SLC6A15: variants seen among roughly 807,000 people sequenced by gnomAD.
SLC6A15 encodes the protein solute carrier family 6 member 15, also known as sodium-dependent neutral amino acid transporter B(0)AT2.
Under a neutral mutation model 68.5 loss-of-function variants are expected in SLC6A15, and 33 were observed. The ratio of observed to expected loss-of-function variants is 0.48; its 90% CI spans 0.37 to 0.64. The LOEUF (loss-of-function observed/expected upper bound fraction) is 0.64, where lower values mean the gene tolerates loss of function less well. Among genes scored for constraint, SLC6A15 ranks in the 30% least tolerant of loss-of-function variants. The pLI is 0.00. For missense variants in SLC6A15, 747 were observed against 874.3 expected, an observed-to-expected ratio of 0.85 and a Z score of 1.84; for synonymous variants, 347 against 301.0, an observed-to-expected ratio of 1.15 and a Z score of -1.58.
chr12:84,895,020 T>A (rs1220808401), intron 1 of SLC6A15, among the ~76,000 whole-genome samples: 1 of 151,998 alleles, frequency 6.6e-6, no homozygotes, highest in Non-Finnish European at 1.5e-5. Context: ...CTATAATGAA[T>A]CCTTAATGAT....
chr12:84,894,700 A>G (rs1872563890), intron 1 of SLC6A15, among the ~76,000 whole-genome samples: 1 of 152,146 alleles, frequency 6.6e-6, no homozygotes, highest in Non-Finnish European at 1.5e-5. Flanking sequence ...CTACTACTGC[A>G]TGTTTTTTAC....
intron 5 of SLC6A15, chr12:84,881,912 A>G (rs1436300865): frequency 1.1e-4 from 105 of 985,232 alleles, no homozygotes; most frequent in Non-Finnish European, 1.3e-4. Flanking sequence ...CTTTCTCCCC[A>G]TCAGTGCCTG....
At chr12:84,885,360 A>G in intron 4 of SLC6A15, 75 bp downstream of exon 4, 1 of 1,337,282 alleles carries the variant, frequency 7.5e-7, no homozygotes, top group South Asian at 2.0e-5. Flanking sequence ...TAAAAAGAAA[A>G]AAATCTTGAA....
intron 1 of SLC6A15, among the ~76,000 whole-genome samples, chr12:84,910,953 G>GTGTGTGTGTGTGTCTT (rs1565736544): frequency 3.4e-4 from 49 of 145,056 alleles, no homozygotes; most frequent in African/African-American, 1.1e-3. Context: ...GTGTGTGTGT[G>GTGTGTGTGTGTGTCTT]TCTTTAACCC....
At position 84,859,534 on chromosome 12, in the gene SLC6A15, T is replaced by C. The variant is rs1233632383; in HGVS notation, c.*2098A>G. 1 of 151,984 alleles carries C rather than the reference T, an allele frequency of 6.6e-6. No homozygotes were observed. The highest frequency in any genetic ancestry group is 1.5e-5 in the Non-Finnish European group (1 of 67,934). The allele number at this position is 151,984 out of a possible 1,614,324, so 9.4% of individuals were successfully genotyped here. A position where few individuals can be genotyped will look rare whatever the true frequency, so the allele number is the denominator to read the frequency against. On this transcript the variant is annotated 3_prime_UTR_variant, in exon 12 of 12. Transcript: ENST00000266682. ...TTTATTTGCTTTCACTATATTTATA[T>C]ACATCAAAACAGCATGTTGTACACC...
At chr12:84,862,279 C>G (rs1252040404) in intron 11 of SLC6A15, among the ~76,000 whole-genome samples, 1 of 152,092 alleles carries the variant, frequency 6.6e-6, no homozygotes, top group Non-Finnish European at 1.5e-5. Flanking sequence ...GCCCAGCTCT[C>G]CTCCAAGCTG....
intron 8 of SLC6A15, 139 bp downstream of exon 8, chr12:84,872,463 A>G (rs1871326805): frequency 1.9e-6 from 1 of 521,286 alleles, no homozygotes; most frequent in African/African-American, 2.0e-5. Context: ...TGAAGGACTT[A>G]TAATGCCCAG....
In SLC6A15 at chr12:84,872,598, T is replaced by G. The variant is rs773803645; in HGVS notation, c.1302+4A>C. ...ATTTTATTGCTCAAACATGGCTTACTAACTTTATTTAGCTCTTCTTCAATT... is the reference window on the plus strand; with the variant it reads ...ATTTTATTGCTCAAACATGGCTTACGAACTTTATTTAGCTCTTCTTCAATT... On this transcript the variant is annotated splice_donor_region_variant and intron_variant, in intron 8 of 11. Coordinates refer to ENST00000266682, the MANE Select transcript of SLC6A15 (RefSeq NM_182767.6). 1.9e-6 allele frequency: 3 copies of G among 1,604,530 alleles called. No individual in the cohort carries two copies. In the South Asian group the frequency reaches 3.3e-5, roughly 18 times the overall value.
intron 6 of SLC6A15, 97 bp downstream of exon 6, chr12:84,876,400 A>G: frequency 1.4e-6 from 1 of 694,742 alleles, no homozygotes; most frequent in Non-Finnish European, 2.4e-6. Context: ...ATGTACATAC[A>G]TTAGAACAAT....
At chr12:84,881,837 G>T in intron 5 of SLC6A15, 2 of 983,862 alleles carry the variant, frequency 2.0e-6, no homozygotes. Context: ...TTAACTCATT[G>T]TTTCAGATTG....
Position 84,876,586 on chromosome 12 carries a change from A to T in SLC6A15, c.778T>A (p.Phe260Ile). 6.4e-7 allele frequency: 1 copy of T among 1,570,298 alleles called. No homozygotes were observed. The highest frequency in any genetic ancestry group is 8.7e-7 in the Non-Finnish European group (1 of 1,152,956). The change falls in exon 6 of 12, where the codon TTT becomes ATT. Residue 260 changes from phenylalanine (F) to isoleucine (I), a missense_variant. By Grantham distance (21) the Phe-to-Ile change is conservative. Transcript: ENST00000266682. ...AAGCAAATAAGTACCACATATGGAA[A>T]CAGAGAACTAAAATATATGATCTGC... ...SGKIIYFSSL[F>I]PYVVLICFLI...
At chr12:84,883,739 A>G in intron 5 of SLC6A15, 120 bp downstream of exon 5, 1 of 1,603,634 alleles carries the variant, frequency 6.2e-7, no homozygotes, top group South Asian at 1.1e-5. Flanking sequence ...ACTAATATTT[A>G]ACTACCTAGA....
intron 6 of SLC6A15, 119 bp from the exon 7 acceptor site, chr12:84,873,447 A>G: frequency 8.8e-7 from 1 of 1,139,650 alleles, no homozygotes; most frequent in Non-Finnish European, 1.2e-6. Flanking sequence ...AAGTTTATTT[A>G]AATCGGGAAA....
intron 8 of SLC6A15, among the ~76,000 whole-genome samples, chr12:84,871,915 G>A (rs1871302021): frequency 6.6e-6 from 1 of 152,132 alleles, no homozygotes; most frequent in African/African-American, 2.4e-5. Context: ...CACTTTGGGA[G>A]GCCAAGGCGG....
At chr12:84,866,981 G>T in intron 10 of SLC6A15, 53 bp downstream of exon 10, 1 of 1,318,478 alleles carries the variant, frequency 7.6e-7, no homozygotes, top group Non-Finnish European at 1.0e-6. Context: ...ATTGATAATT[G>T]ATGTTTTCAA....
chr12:84,911,433 C>G (rs1362147347), intron 1 of SLC6A15, among the ~76,000 whole-genome samples: 1 of 152,174 alleles, frequency 6.6e-6, no homozygotes, highest in Non-Finnish European at 1.5e-5. Flanking sequence ...GTCACTGCGC[C>G]GGAGTCCGGA....
chr12:84,878,469 T>G (rs1008882163), intron 5 of SLC6A15, among the ~76,000 whole-genome samples: 1 of 152,140 alleles, frequency 6.6e-6, no homozygotes, highest in East Asian at 1.9e-4. Context: ...GGATTCACTT[T>G]TGAACAATAG....
intron 9 of SLC6A15, among the ~76,000 whole-genome samples, chr12:84,869,770 A>G (rs1448975708): frequency 2.0e-5 from 3 of 152,120 alleles, no homozygotes; most frequent in Admixed American, 1.3e-4. Context: ...AAAATCCATT[A>G]TGCTATCAGT....
chr12:84,872,231 G>A (rs1871316393), intron 8 of SLC6A15, among the ~76,000 whole-genome samples: 1 of 151,518 alleles, frequency 6.6e-6, no homozygotes, highest in Non-Finnish European at 1.5e-5. Context: ...TATTATTCAT[G>A]CATCAAAGCA....
Sources: allele counts gnomAD v4.1 joint callset (sites outside exome capture counted in the v4.1 genomes callset), GRCh38; gene constraint gnomAD v4.1.1; transcripts MANE v1.5; gene names NCBI Gene and HGNC (gene_info 2026-07-23, HGNC 2026-07-21).